The following WWOX variants were observed in gnomAD, a reference collection of about 807,000 sequenced individuals.
The protein encoded by WWOX is WW domain containing oxidoreductase.
WWOX carries 69 observed loss-of-function variants against 46.2 expected under a neutral mutation model. That is an observed-to-expected ratio of 1.49 (90% confidence interval 1.23 to 1.82). The LOEUF (loss-of-function observed/expected upper bound fraction) is 1.82. Among genes scored for constraint, WWOX ranks in the 40% most tolerant of loss-of-function variants. The probability of loss-of-function intolerance (pLI) is 0.00; values close to 1 mark genes in which losing one functional copy is unlikely to be tolerated. For synonymous variants in WWOX, 359 were observed against 202.6 expected (o/e 1.77, Z -6.56); for missense variants, 919 against 542.6 (o/e 1.69, Z -6.89).
chr16:78,996,386 CCCA>C, intron 8 of WWOX: 2 of 812,106 alleles, frequency 2.5e-6, no homozygotes, highest in Non-Finnish European at 2.9e-6. Flanking sequence ...ACCCCCGCCC[CCCA>C]GCTTCCCCAC....
intron 8 of WWOX, among the ~76,000 whole-genome samples, chr16:78,827,271 G>C (rs1300593707): frequency 6.6e-6 from 1 of 152,124 alleles, no homozygotes; most frequent in Non-Finnish European, 1.5e-5. Flanking sequence ...CAAGTGCTGG[G>C]CTCTGTGATA....
intron 8 of WWOX, among the ~76,000 whole-genome samples, chr16:78,934,496 G>A (rs191949554): frequency 0.012 from 1,281 of 107,608 alleles, 18 homozygotes; most frequent in African/African-American, 0.044. Context: ...GCAACAGTGC[G>A]AAACCCTGTA....
rs541159271 is a variant in WWOX, at chr16:78,950,847, C to T, written c.1057-260761C>T. 3.3e-5 allele frequency among the ~76,000 whole-genome samples: 5 copies of T among 152,250 alleles called. No individual in the cohort carries two copies. In the East Asian group the frequency reaches 9.7e-4, roughly 29 times the overall value. ...AAACCAGACTTTTGAAGCAGGGGCTCTGATTGTCTCTTCTTATTATAGTGC... is the reference window on the plus strand; with the variant it reads ...AAACCAGACTTTTGAAGCAGGGGCTTTGATTGTCTCTTCTTATTATAGTGC... On this transcript the variant is annotated intron_variant, in intron 8 of 8. Coordinates refer to ENST00000566780, the MANE Select transcript of WWOX (RefSeq NM_016373.4).
At chr16:79,092,773 G>A (rs4888925) in intron 8 of WWOX, among the ~76,000 whole-genome samples, 69,568 of 151,904 alleles carry the variant, frequency 0.46, 16,076 homozygotes, top group East Asian at 0.73. Context: ...TGTAAACGTT[G>A]TTGAAAACAT....
intron 8 of WWOX, among the ~76,000 whole-genome samples, chr16:79,064,109 T>A (rs1475567405): frequency 6.6e-6 from 1 of 152,216 alleles, no homozygotes; most frequent in Non-Finnish European, 1.5e-5. Flanking sequence ...ATGTAAATGA[T>A]CTTTATAAAT....
intron 5 of WWOX, among the ~76,000 whole-genome samples, chr16:78,312,001 C>T (rs1027507536): frequency 1.3e-4 from 20 of 152,230 alleles, no homozygotes; most frequent in African/African-American, 4.8e-4. Context: ...CAGAGACTGC[C>T]CATGTTCCTC....
intron 8 of WWOX, among the ~76,000 whole-genome samples, chr16:79,029,151 A>G (rs2047703686): frequency 6.6e-6 from 1 of 152,168 alleles, no homozygotes; most frequent in Non-Finnish European, 1.5e-5. Flanking sequence ...TTGATGAAGG[A>G]GGGAGCCTAC....
intron 8 of WWOX, among the ~76,000 whole-genome samples, chr16:78,821,870 C>G (rs528514976): frequency 1.2e-4 from 19 of 152,142 alleles, no homozygotes; most frequent in African/African-American, 4.1e-4. Context: ...TTCCCATCTT[C>G]AAATATTAAA....
intron 5 of WWOX, among the ~76,000 whole-genome samples, chr16:78,375,739 C>G (rs527981452): frequency 6.6e-6 from 1 of 152,052 alleles, no homozygotes; most frequent in East Asian, 1.9e-4. Context: ...ATTATAGTTT[C>G]CTAAGTATTT....
At chr16:78,780,830 T>C (rs1161734361) in intron 8 of WWOX, among the ~76,000 whole-genome samples, 1 of 152,114 alleles carries the variant, frequency 6.6e-6, no homozygotes, top group Non-Finnish European at 1.5e-5. Flanking sequence ...AGGATTTCAC[T>C]GTAAAAGAAG....
chr16:79,061,674 A>G (rs2048359901), intron 8 of WWOX, among the ~76,000 whole-genome samples: 1 of 152,220 alleles, frequency 6.6e-6, no homozygotes, highest in Non-Finnish European at 1.5e-5. Flanking sequence ...AAAGAAAAAG[A>G]CAAGTTATAG....
rs577329567 is a variant in WWOX at position 78,691,518 on chromosome 16, G to A, written c.1056+258766G>A. 2.0e-5 allele frequency among the ~76,000 whole-genome samples: 3 copies of A among 152,096 alleles called. No homozygotes were observed. In the South Asian group the frequency reaches 6.2e-4, roughly 32 times the overall value. ...GCCTAGGAGTTCGAGACCAGTCTGGGCAACAACGTGAGATCCTGTCTCTAC... is the reference window on the plus strand; with the variant it reads ...GCCTAGGAGTTCGAGACCAGTCTGGACAACAACGTGAGATCCTGTCTCTAC... On this transcript the variant is annotated intron_variant, in intron 8 of 8. Transcript: ENST00000566780.
At chr16:78,478,558 A>AT (rs1289580228) in intron 8 of WWOX, among the ~76,000 whole-genome samples, 2 of 150,978 alleles carry the variant, frequency 1.3e-5, no homozygotes, top group Non-Finnish European at 2.9e-5. Flanking sequence ...TCGAAGCTCC[A>AT]TGCCCACCTT....
chr16:78,649,048 A>C (rs1366565341), intron 8 of WWOX, among the ~76,000 whole-genome samples: 1 of 152,062 alleles, frequency 6.6e-6, no homozygotes, highest in Non-Finnish European at 1.5e-5. Flanking sequence ...ATCTTGGCTC[A>C]CTGCAAACTC....
Position 78,335,808 on chromosome 16 carries a change from C to G in WWOX, c.517-51052C>G, listed in dbSNP as rs575393155. ...CCAAAACTTGCGTTTCTAAAAGGTA[C>G]TAGCTGAGCATGATGACTCACATTT... On this transcript the variant is annotated intron_variant, in intron 5 of 8. Coordinates refer to ENST00000566780, the MANE Select transcript of WWOX (RefSeq NM_016373.4). Among the ~76,000 whole-genome samples the G allele has an allele frequency of 7.2e-5, 11 of 152,260 alleles. No individual in the cohort carries two copies. In the South Asian group the frequency reaches 1.9e-3, roughly 26 times the overall value.
intron 8 of WWOX, among the ~76,000 whole-genome samples, chr16:79,186,147 C>G (rs988159302): frequency 1.3e-5 from 2 of 152,104 alleles, no homozygotes; most frequent in African/African-American, 4.8e-5. Flanking sequence ...AGGATACATC[C>G]AGGACTGTGC....
chr16:78,759,203 A>G (rs1005564287), intron 8 of WWOX, among the ~76,000 whole-genome samples: 1 of 152,176 alleles, frequency 6.6e-6, no homozygotes, highest in African/African-American at 2.4e-5. Context: ...GAGAAGTGTT[A>G]GAACAGGGTA....
intron 5 of WWOX, among the ~76,000 whole-genome samples, chr16:78,174,979 C>A (rs1221810060): frequency 5.7e-5 from 8 of 140,010 alleles, no homozygotes; most frequent in Non-Finnish European, 1.1e-4. Context: ...CAGAGCAAGA[C>A]TCTGTCTCAA....
chr16:78,690,178 AC>A (rs941669811), intron 8 of WWOX, among the ~76,000 whole-genome samples: 11 of 151,514 alleles, frequency 7.3e-5, no homozygotes, highest in Non-Finnish European at 1.0e-4. Flanking sequence ...CTTTTTAACA[AC>A]CCCCCCTCCA....
Sources: allele counts gnomAD v4.1 joint callset (sites outside exome capture counted in the v4.1 genomes callset), GRCh38; gene constraint gnomAD v4.1.1; transcripts MANE v1.5; gene names NCBI Gene and HGNC (gene_info 2026-07-23, HGNC 2026-07-21).